PREX2: variants seen among roughly 807,000 people sequenced by gnomAD.
PREX2 encodes phosphatidylinositol 3,4,5-trisphosphate-dependent Rac exchanger 2 protein.
In PREX2, 107 loss-of-function variants were observed where a neutral mutation model predicts 203.2. The observed-to-expected ratio is 0.53, with a 90% CI of 0.45 to 0.62. The LOEUF (loss-of-function observed/expected upper bound fraction) is 0.62. Ranked by LOEUF, PREX2 falls within the 20% of genes least tolerant of loss-of-function variation. The pLI, the probability that PREX2 is intolerant of heterozygous loss-of-function variation, is 0.00. For missense variants in PREX2, 1,777 were observed against 1,955.9 expected, an observed-to-expected ratio of 0.91 and a Z score of 1.72; for synonymous variants, 672 against 663.6, an observed-to-expected ratio of 1.01 and a Z score of -0.19.
At chr8:68,050,927 T>C (rs543750729) in intron 8 of PREX2, among the ~76,000 whole-genome samples, 8 of 152,156 alleles carry the variant, frequency 5.3e-5, no homozygotes, top group Middle Eastern at 3.4e-3. Flanking sequence ...TATTAGAACA[T>C]AGTGGAAAAT....
At chr8:68,073,244 T>A (rs1298746598) in intron 14 of PREX2, among the ~76,000 whole-genome samples, 1 of 150,486 alleles carries the variant, frequency 6.6e-6, no homozygotes. Flanking sequence ...TGATAAAATG[T>A]GTTTCACTGA....
chr8:68,127,782 A>C (rs1269334443), intron 31 of PREX2, among the ~76,000 whole-genome samples: 1 of 152,138 alleles, frequency 6.6e-6, no homozygotes, highest in Non-Finnish European at 1.5e-5. Flanking sequence ...GTATGTAAAC[A>C]TTTTACAAAT....
At chr8:68,218,499 C>T (rs1447279566) in intron 38 of PREX2, among the ~76,000 whole-genome samples, 1 of 152,178 alleles carries the variant, frequency 6.6e-6, no homozygotes, top group African/African-American at 2.4e-5. Context: ...TTTCTTTGGG[C>T]TACCACAAGA....
intron 4 of PREX2, among the ~76,000 whole-genome samples, chr8:68,024,858 C>A (rs1192283108): frequency 2.0e-5 from 3 of 151,838 alleles, no homozygotes; most frequent in Non-Finnish European, 4.4e-5. Flanking sequence ...CATATCAAAT[C>A]CATATTAGGT....
At chr8:68,164,585 C>CTTTT (rs755033458) in intron 35 of PREX2, among the ~76,000 whole-genome samples, 4 of 135,262 alleles carry the variant, frequency 3.0e-5, no homozygotes, top group Non-Finnish European at 3.1e-5. Context: ...TTTCTTTTTT[C>CTTTT]TTTTTTTTTT....
At chr8:67,989,201 G>A (rs1308455835) in intron 1 of PREX2, among the ~76,000 whole-genome samples, 1 of 152,014 alleles carries the variant, frequency 6.6e-6, no homozygotes, top group African/African-American at 2.4e-5. Flanking sequence ...AAAATAAGTA[G>A]AAAAAGTTCC....
At chr8:67,991,667 G>A (rs1585684495) in intron 1 of PREX2, among the ~76,000 whole-genome samples, 1 of 152,218 alleles carries the variant, frequency 6.6e-6, no homozygotes, top group East Asian at 1.9e-4. Context: ...TGACACGTGG[G>A]GAGCATGAGG....
intron 8 of PREX2, among the ~76,000 whole-genome samples, chr8:68,052,369 G>T (rs1585740002): frequency 6.6e-6 from 1 of 152,146 alleles, no homozygotes; most frequent in East Asian, 1.9e-4. Flanking sequence ...GACAGCTACT[G>T]TATAGGGTTT....
rs752791080 is a variant in PREX2 at position 68,060,775 on chromosome 8, C to T, written c.1335C>T (p.His445=). ...GQALLENGII[H]HVTDKHQFKP... is the part of the protein sequence containing the mutation. ...CATTATTAGAAAATGGAATCATTCA[C>T]CATGGTAATTACTTTATTATTAATT... Residue 445 remains histidine (H), a synonymous_variant, in exon 11 of 40, where the codon CAC becomes CAT. Transcript: ENST00000288368. 1.3e-6 allele frequency: 2 copies of T among 1,588,768 alleles called. No individual in the cohort carries two copies. The highest frequency in any genetic ancestry group is 1.7e-5 in the Admixed American group (1 of 58,790).
intron 1 of PREX2, among the ~76,000 whole-genome samples, chr8:68,000,979 T>A (rs1313198419): frequency 6.6e-6 from 1 of 152,070 alleles, no homozygotes; most frequent in Non-Finnish European, 1.5e-5. Flanking sequence ...AAATGTAAAA[T>A]CCAAAACTGT....
chr8:68,136,053 T>C (rs113101144), intron 32 of PREX2, among the ~76,000 whole-genome samples: 15 of 152,268 alleles, frequency 9.9e-5, no homozygotes, highest in African/African-American at 3.4e-4. Context: ...AGTAGACTAG[T>C]GGTTGCCTAC....
intron 35 of PREX2, among the ~76,000 whole-genome samples, chr8:68,184,664 A>G (rs1380068873): frequency 5.9e-5 from 9 of 152,138 alleles, no homozygotes; most frequent in Admixed American, 3.9e-4. Flanking sequence ...GCTGAATAGT[A>G]TAGTTCCTTC....
chr8:68,100,198 C>T, intron 23 of PREX2: 1 of 462,668 alleles, frequency 2.2e-6, no homozygotes. Context: ...TTTCTCCCAA[C>T]TAAGAGAATG....
chr8:68,235,152 C>T lies in PREX2; in HGVS notation c.*3774C>T, dbSNP rs1006339605. The T allele has an allele frequency of 6.6e-6, 1 of 152,074 alleles. No homozygotes were observed. Among genetic ancestry groups the T allele is most frequent in the Admixed American group, 6.6e-5 (1 of 15,248 alleles). The allele number at this position is 152,074 out of a possible 1,614,324, so 9.4% of individuals were successfully genotyped here. Reference sequence around the variant, plus strand: ...TATTATTTTGTTAGTTGAAGTAGATCTTTTCCTGTGTAGCATGATTTAATG... The same window carrying T: ...TATTATTTTGTTAGTTGAAGTAGATTTTTTCCTGTGTAGCATGATTTAATG... On this transcript the variant is annotated 3_prime_UTR_variant, in exon 40 of 40. Coordinates refer to ENST00000288368, the MANE Select transcript of PREX2 (RefSeq NM_024870.4).
chr8:67,993,350 A>G (rs117814098), intron 1 of PREX2, among the ~76,000 whole-genome samples: 2,015 of 152,184 alleles, frequency 0.013, 28 homozygotes, highest in Non-Finnish European at 0.022. Flanking sequence ...TCTTTGAGAG[A>G]ATACTATGTC....
intron 1 of PREX2, among the ~76,000 whole-genome samples, chr8:67,957,372 A>G (rs1310183931): frequency 1.3e-5 from 2 of 152,166 alleles, no homozygotes; most frequent in Non-Finnish European, 2.9e-5. Context: ...AGCTTAATAT[A>G]TGCATGTCTC....
At chr8:68,073,317 G>A (rs545766077) in intron 14 of PREX2, among the ~76,000 whole-genome samples, 40 of 151,702 alleles carry the variant, frequency 2.6e-4, no homozygotes, top group Middle Eastern at 3.4e-3. Context: ...TGGGGGAGGG[G>A]ATATTGCTTG....
chr8:67,963,852 T>C (rs1403217336), intron 1 of PREX2, among the ~76,000 whole-genome samples: 5 of 152,148 alleles, frequency 3.3e-5, no homozygotes. Context: ...TTTTGCATTC[T>C]CTCTTAGAAC....
chr8:68,037,432 G>A (rs766446247), intron 6 of PREX2, among the ~76,000 whole-genome samples: 17 of 152,090 alleles, frequency 1.1e-4, no homozygotes, highest in Non-Finnish European at 2.1e-4. Flanking sequence ...ACCACAGTCC[G>A]ATACTCGTGT....
Sources: gnomAD v4.1 joint callset for allele counts (sites outside exome capture counted in the v4.1 genomes callset) on GRCh38, gnomAD v4.1.1 for gene constraint, MANE v1.5 for transcripts, NCBI Gene and HGNC (gene_info 2026-07-23, HGNC 2026-07-21) for gene names.